Variants in GATA3 observed in about 807,000 individuals in gnomAD.
GATA3 encodes GATA binding protein 3.
GATA3 carries 6 observed loss-of-function variants against 36.0 expected under a neutral mutation model. That is an observed-to-expected ratio of 0.17 (90% confidence interval 0.09 to 0.33). GATA3 has a LOEUF of 0.33. GATA3 is among the 10% of genes least tolerant of loss of function. The pLI is 1.00. For missense variants in GATA3, 514 were observed against 610.1 expected, an observed-to-expected ratio of 0.84 and a Z score of 1.66; for synonymous variants, 326 against 273.0, an observed-to-expected ratio of 1.19 and a Z score of -1.92.
chr10:8,058,357 C>T lies in GATA3; in HGVS notation c.294C>T (p.Asp98=), dbSNP rs144221016. Residue 98 remains aspartate (D), a synonymous_variant, in exon 3 of 6, where the codon GAC becomes GAT. Coordinates refer to ENST00000379328, the MANE Select transcript of GATA3 (RefSeq NM_001002295.2). ...PLLHGSLPWL[D]GGKALGSHHT... is the part of the protein sequence containing the mutation. ...TTCATGGATCCCTACCCTGGCTGGA[C>T]GGCGGCAAAGCCCTGGGCAGCCACC... The T allele has an allele frequency of 7.4e-5, 120 of 1,613,140 alleles. 1 individual carries two copies. The African/African-American group carries it at 1.3e-3, about 18-fold the overall frequency.
At position 8,055,678 on chromosome 10, in the gene GATA3, C is replaced by T; in HGVS notation, c.23C>T (p.Pro8Leu). The change falls in exon 2 of 6, where the codon CCG (proline) becomes CTG (leucine). Residue 8 changes from proline (P) to leucine (L), a missense_variant. Transcript: ENST00000379328. The surrounding 1 kb of genome is among the most constrained non-coding windows in gnomAD (Gnocchi z 5.4). ...GCCATGGAGGTGACGGCGGACCAGCCGCGCTGGGTGAGCCACCACCACCCC... is the reference window on the plus strand; with the variant it reads ...GCCATGGAGGTGACGGCGGACCAGCTGCGCTGGGTGAGCCACCACCACCCC... Reference protein sequence around the residue: MEVTADQPRWVSHHHPAV... With the variant: MEVTADQLRWVSHHHPAV... The T allele has an allele frequency of 6.4e-7, 1 of 1,558,004 alleles. No homozygotes were observed.
At chr10:8,051,032 C>G (rs143035331), upstream of GATA3, 5 of 523,356 alleles carry the variant, frequency 9.6e-6, no homozygotes, top group Non-Finnish European at 1.9e-5. Context: ...CGCCCTGGGT[C>G]TGTAGCCCTA....
intron 4 of GATA3, among the ~76,000 whole-genome samples, chr10:8,066,059 GT>G (rs200042710): frequency 3.5e-5 from 4 of 112,836 alleles, no homozygotes; most frequent in African/African-American, 9.7e-5. Context: ...CATTATAGTT[GT>G]TTTTTTTGTT....
Position 8,074,554 on chromosome 10 carries a change from C to A in GATA3, c.*531C>A, listed in dbSNP as rs756849522. The A allele has an allele frequency of 4.3e-6, 1 of 233,860 alleles. No individual in the cohort carries two copies. Among genetic ancestry groups the A allele is most frequent in the Non-Finnish European group, 8.4e-6 (1 of 118,606 alleles). The allele number at this position is 233,860 out of a possible 1,614,324, so 14.5% of individuals were successfully genotyped here. Reference sequence around the variant, plus strand: ...GAAAAAAAAAGAAAAAAGTTGTAGGCGAATCATTTGTTCAAAGCTGTTGGC... The same window carrying A: ...GAAAAAAAAAGAAAAAAGTTGTAGGAGAATCATTTGTTCAAAGCTGTTGGC... On this transcript the variant is annotated 3_prime_UTR_variant, in exon 6 of 6. Coordinates refer to ENST00000379328, the MANE Select transcript of GATA3 (RefSeq NM_001002295.2).
intron 2 of GATA3, among the ~76,000 whole-genome samples, chr10:8,056,365 C>T (rs1020680653): frequency 3.4e-5 from 5 of 145,430 alleles, no homozygotes; most frequent in South Asian, 5.0e-4. Flanking sequence ...GGCGGGTGGG[C>T]GGGGTGGAGG....
At chr10:8,048,792 A>G (rs1392068745), upstream of GATA3, among the ~76,000 whole-genome samples, 1 of 152,162 alleles carries the variant, frequency 6.6e-6, no homozygotes, top group Non-Finnish European at 1.5e-5. Flanking sequence ...GAAAGCAGAA[A>G]TCCCCTGCCC....
At position 8,055,687 on chromosome 10, in the gene GATA3, T is replaced by A. The variant is rs1564397170; in HGVS notation, c.32T>A (p.Val11Glu). 1 of 1,559,258 alleles carries A rather than the reference T, an allele frequency of 6.4e-7. No individual in the cohort carries two copies. Among genetic ancestry groups the A allele is most frequent in the East Asian group, 2.4e-5 (1 of 41,520 alleles). Residue 11 changes from valine (V) to glutamate (E), a missense_variant, in exon 2 of 6, where the codon GTG becomes GAG. By Grantham distance (121) the Val-to-Glu change is moderately radical (BLOSUM62 -2). This residue lies in a region of GATA3 where 381 missense variants were observed against 354.3 expected (regional missense o/e 1.08). Transcript: ENST00000379328. The surrounding 1 kb of genome is among the most constrained non-coding windows in gnomAD (Gnocchi z 5.4). MEVTADQPRW[V>E]SHHHPAVLNG... is the part of the protein sequence containing the mutation. ...GTGACGGCGGACCAGCCGCGCTGGG[T>A]GAGCCACCACCACCCCGCCGTGCTC...
At chr10:8,051,375 C>T (rs1832488947), upstream of GATA3, 1 of 259,018 alleles carries the variant, frequency 3.9e-6, no homozygotes, top group South Asian at 3.8e-5. Context: ...GCCCCGGCTC[C>T]TCTCTAGGCG....
chr10:8,049,987 G>A (rs371610029), upstream of GATA3, among the ~76,000 whole-genome samples: 2 of 152,182 alleles, frequency 1.3e-5, no homozygotes, highest in African/African-American at 2.4e-5. Flanking sequence ...AAGGCGCGGC[G>A]GTCCCGCGGG....
At chr10:8,060,441 G>T (rs71481756) in intron 3 of GATA3, among the ~76,000 whole-genome samples, 8,594 of 152,260 alleles carry the variant, frequency 0.056, 318 homozygotes, top group Non-Finnish European at 0.088. Flanking sequence ...AAGAAGTGGG[G>T]TGCAGCTTGA....
At chr10:8,052,048 C>T (rs1832508515), upstream of GATA3, among the ~76,000 whole-genome samples, 1 of 152,152 alleles carries the variant, frequency 6.6e-6, no homozygotes, top group South Asian at 2.1e-4. Flanking sequence ...GTGGCGTCGG[C>T]GAGACTGGCC....
chr10:8,066,466 C>T (rs1588386356), intron 4 of GATA3, among the ~76,000 whole-genome samples: 2 of 145,296 alleles, frequency 1.4e-5, no homozygotes, highest in African/African-American at 5.1e-5. Flanking sequence ...TTTTTTTAGC[C>T]CTGAGATGTA....
At chr10:8,052,902 G>T (rs955813158), upstream of GATA3, 17 of 150,856 alleles carry the variant, frequency 1.1e-4, no homozygotes, top group African/African-American at 2.7e-4. Flanking sequence ...CGTGGCGGGG[G>T]GGGGGGGAGC....
At chr10:8,052,438 C>T (rs1832520299), upstream of GATA3, 1 of 152,236 alleles carries the variant, frequency 6.6e-6, no homozygotes, top group African/African-American at 2.4e-5. Context: ...TTCTTAGCCT[C>T]AGAAGTCAGC....
Position 8,058,535 on chromosome 10 carries a change from C to A in GATA3, c.472C>A (p.Pro158Thr), listed in dbSNP as rs2131489487. 6.2e-7 allele frequency: 1 copy of A among 1,612,186 alleles called. No homozygotes were observed. Among genetic ancestry groups the A allele is most frequent in the South Asian group, 1.1e-5 (1 of 91,064 alleles). ...CCTCTTCACCTTCCCGCCCACCCCG[C>A]CGAAGGACGTCTCCCCGGACCCATC... ...PHLFTFPPTP[P>T]KDVSPDPSLS... Residue 158 changes from proline to threonine, a missense_variant, in exon 3 of 6, where the codon CCG (proline) becomes ACG (threonine). Around this residue, in one of 3 missense-constraint regions of GATA3, gnomAD observed 381 missense variants for 354.3 expected, o/e 1.08. Coordinates refer to ENST00000379328, the MANE Select transcript of GATA3 (RefSeq NM_001002295.2).
chr10:8,048,243 G>T (rs1832416089), intron 1 of GATA3, among the ~76,000 whole-genome samples: 1 of 152,218 alleles, frequency 6.6e-6, no homozygotes, highest in African/African-American at 2.4e-5. Context: ...TCAGGAGCTG[G>T]GTGGCTGTGA....
intron 4 of GATA3, among the ~76,000 whole-genome samples, chr10:8,068,490 G>A (rs956906889): frequency 1.3e-5 from 2 of 152,190 alleles, no homozygotes; most frequent in East Asian, 3.9e-4. Flanking sequence ...GGTGGCTCAC[G>A]CCTGTAATAC....
In GATA3 at chr10:8,055,667, G is replaced by C; in HGVS notation, c.12G>C (p.Thr4=). 6.4e-7 allele frequency: 1 copy of C among 1,556,838 alleles called. No homozygotes were observed. The highest frequency in any genetic ancestry group is 8.7e-7 in the Non-Finnish European group (1 of 1,150,922). MEV[T]ADQPRWVSHH... is the part of the protein sequence containing the mutation. ...GCACAGCCGAGGCCATGGAGGTGAC[G>C]GCGGACCAGCCGCGCTGGGTGAGCC... Residue 4 remains threonine (T), a synonymous_variant, in exon 2 of 6, where the codon ACG becomes ACC. Coordinates refer to ENST00000379328, the MANE Select transcript of GATA3 (RefSeq NM_001002295.2). This position sits in a 1 kb window ranked among gnomAD's most constrained non-coding sequence, Gnocchi z 5.4.
intron 4 of GATA3, among the ~76,000 whole-genome samples, chr10:8,066,408 C>A (rs977869881): frequency 2.0e-5 from 3 of 148,852 alleles, no homozygotes; most frequent in Non-Finnish European, 4.4e-5. Flanking sequence ...GGAGGTAGAA[C>A]ACAGGACACA....
Sources: gnomAD v4.1 joint callset for allele counts (sites outside exome capture counted in the v4.1 genomes callset) on GRCh38, gnomAD v4.1.1 for gene constraint, gnomAD v4.1.1 regional missense constraint, Gnocchi (gnomAD v3.1) non-coding constraint, MANE v1.5 for transcripts, NCBI Gene and HGNC (gene_info 2026-07-23, HGNC 2026-07-21) for gene names.